TEX14: variants seen among roughly 807,000 people sequenced by gnomAD.
The protein encoded by TEX14 is inactive serine/threonine-protein kinase TEX14.
A neutral mutation model predicts 178.6 loss-of-function variants in TEX14; 168 were observed. The ratio of observed to expected loss-of-function variants is 0.94; its 90% CI spans 0.83 to 1.07. The LOEUF is 1.07. Ranked by LOEUF, TEX14 falls within the 50% of genes least tolerant of loss-of-function variation. The probability of loss-of-function intolerance (pLI) is 0.00; values close to 1 mark genes in which losing one functional copy is unlikely to be tolerated. For synonymous variants in TEX14, 626 were observed against 634.1 expected, an observed-to-expected ratio of 0.99 and a Z score of 0.19; for missense variants, 1,730 against 1,753.6, an observed-to-expected ratio of 0.99 and a Z score of 0.24.
rs374639889 is a variant in TEX14 at position 58,565,745 on chromosome 17, A to G, written c.3964+2T>C. 9 of 1,604,222 alleles carry G rather than the reference A, an allele frequency of 5.6e-6. No homozygotes were observed. The African/African-American group carries it at 1.1e-4, about 19-fold the overall frequency. On this transcript the variant is annotated splice_donor_variant, in intron 27 of 31. Coordinates refer to ENST00000349033, the MANE Select transcript of TEX14 (RefSeq NM_031272.5). LOFTEE classifies it high-confidence loss of function. The stretch of plus-strand genomic sequence containing the variant: ...TGAAAACAATCTAGGTAGTTCACTT[A>G]CCATTTGCAGTGCCTCCTCCATCAC...
At chr17:58,632,234 C>A (rs1190587845) in intron 2 of TEX14, among the ~76,000 whole-genome samples, 2 of 152,278 alleles carry the variant, frequency 1.3e-5, no homozygotes, top group East Asian at 3.9e-4. Context: ...AGCGATAATT[C>A]AAAGCCAAAG....
At chr17:58,562,811 C>A (rs1204084341) in intron 28 of TEX14, among the ~76,000 whole-genome samples, 2 of 151,690 alleles carry the variant, frequency 1.3e-5, no homozygotes, top group African/African-American at 4.8e-5. Flanking sequence ...GCGCCTGGCC[C>A]CTGTAATGTC....
rs143741997 is a variant in TEX14, at chr17:58,593,421, G to A, written c.2576+134C>T. The A allele has an allele frequency of 6.1e-4, 420 of 690,172 alleles. 3 individuals are homozygous for A. In the East Asian group the frequency reaches 0.01, roughly 17 times the overall value. 42.8% of individuals were successfully genotyped at this position (690,172 alleles called of 1,614,324 possible). On this transcript the variant is annotated intron_variant, in intron 15 of 31. Transcript: ENST00000349033. ...TCCTACTCACTCAGTGGGAGAACCT[G>A]CCAATCTGCATTACTCTTCTTCATC...
chr17:58,573,105 A>G, intron 23 of TEX14, 76 bp downstream of exon 23: 1 of 1,573,286 alleles, frequency 6.4e-7, no homozygotes. Flanking sequence ...CTCTGATACC[A>G]CGGCTTGGCT....
intron 1 of TEX14, chr17:58,666,547 T>G (rs995592824): frequency 1.4e-5 from 2 of 145,382 alleles, no homozygotes; most frequent in African/African-American, 5.1e-5. Context: ...CAGCAGCAAG[T>G]GCGAACGCAA....
At chr17:58,661,574 A>C (rs895429400) in intron 1 of TEX14, 3 of 737,500 alleles carry the variant, frequency 4.1e-6, no homozygotes, top group Non-Finnish European at 7.5e-6. Context: ...CGGCGGCGGC[A>C]GGAACTCGTC....
intron 1 of TEX14, among the ~76,000 whole-genome samples, chr17:58,675,100 T>C (rs1042594472): frequency 6.6e-6 from 1 of 150,934 alleles, no homozygotes; most frequent in Non-Finnish European, 1.5e-5. Flanking sequence ...GAGCTGACAT[T>C]GTGCCATTGC....
At chr17:58,677,557 T>C (rs1473082424) in intron 1 of TEX14, 1 of 152,170 alleles carries the variant, frequency 6.6e-6, no homozygotes, top group Non-Finnish European at 1.5e-5. Flanking sequence ...CTACTTCCCA[T>C]TTGACAAAGA....
intron 1 of TEX14, chr17:58,661,811 G>GTC: frequency 2.0e-6 from 1 of 487,946 alleles, no homozygotes; most frequent in Non-Finnish European, 3.6e-6. Flanking sequence ...GTCAAACTTT[G>GTC]TCTCTCTGTT....
rs370413961 is a variant in TEX14, at chr17:58,564,920, C to T, written c.4013G>A (p.Ser1338Asn). Residue 1338 changes from serine (S) to asparagine (N), a missense_variant, in exon 28 of 32, where the codon AGT (serine) becomes AAT (asparagine). Around this residue, in one of 2 missense-constraint regions of TEX14, gnomAD observed 941 missense variants for 1,072.4 expected, o/e 0.88. Coordinates refer to ENST00000349033, the MANE Select transcript of TEX14 (RefSeq NM_031272.5). ...EQETDSKKED[S>N]SMLLSKETED... is the part of the protein sequence containing the mutation. ...AGTTTCTTTGGACAAAAGCATACTA[C>T]TATCTTCTTTTTTACTGTCAGTTTC... The T allele has an allele frequency of 1.2e-6, 2 of 1,608,352 alleles. No individual in the cohort carries two copies. Among genetic ancestry groups the T allele is most frequent in the Non-Finnish European group, 1.7e-6 (2 of 1,177,588 alleles).
chr17:58,616,753 T>TA (rs1029077073), intron 6 of TEX14, among the ~76,000 whole-genome samples: 1 of 152,236 alleles, frequency 6.6e-6, no homozygotes, highest in Non-Finnish European at 1.5e-5. Context: ...TTAATCTTTC[T>TA]AAAAACCTTT....
chr17:58,676,924 C>G (rs1466577759), intron 1 of TEX14, among the ~76,000 whole-genome samples: 1 of 152,064 alleles, frequency 6.6e-6, no homozygotes, highest in African/African-American at 2.4e-5. Flanking sequence ...TGAGGCCAGT[C>G]TGGCCAGCAT....
chr17:58,581,373 C>T (rs1014338798), intron 19 of TEX14, among the ~76,000 whole-genome samples: 1 of 150,788 alleles, frequency 6.6e-6, no homozygotes, highest in Admixed American at 6.6e-5. Context: ...AATGCAGTAA[C>T]CACAATTTTG....
At chr17:58,603,125 C>T (rs1055765723) in intron 11 of TEX14, among the ~76,000 whole-genome samples, 2 of 151,942 alleles carry the variant, frequency 1.3e-5, no homozygotes, top group Non-Finnish European at 2.9e-5. Flanking sequence ...ACTCATTTAC[C>T]AGAGAGATCA....
intron 28 of TEX14, among the ~76,000 whole-genome samples, chr17:58,563,624 TATA>T (rs1567988603): frequency 3.7e-3 from 12 of 3,206 alleles, no homozygotes; most frequent in African/African-American, 0.019. Flanking sequence ...CTCTAATTTA[TATA>T]TATATATATA....
Position 58,630,507 on chromosome 17 carries a change from C to G in TEX14, c.184G>C (p.Val62Leu). ...VNSLGQTALF[V>L]AALLGLRKFV... ...TTCCTAAGGCCCAATAACGCCGCAA[C>G]AAAAAGTGCTGTTTGGCCCAAGGAG... The change falls in exon 3 of 32, where the codon GTT becomes CTT. Residue 62 changes from valine (V) to leucine (L), a missense_variant. Physicochemically the swap from Val to Leu is conservative, Grantham distance 32. Coordinates refer to ENST00000349033, the MANE Select transcript of TEX14 (RefSeq NM_031272.5). 6.2e-7 allele frequency: 1 copy of G among 1,614,050 alleles called. No homozygotes were observed. The highest frequency in any genetic ancestry group is 8.5e-7 in the Non-Finnish European group (1 of 1,179,980).
chr17:58,638,268 G>T (rs1330003499), intron 2 of TEX14, among the ~76,000 whole-genome samples: 1 of 151,758 alleles, frequency 6.6e-6, no homozygotes, highest in East Asian at 1.9e-4. Context: ...CAGCACTTTG[G>T]GAGGCCAACC....
At chr17:58,597,578 G>A (rs894896850) in intron 14 of TEX14, among the ~76,000 whole-genome samples, 10 of 151,938 alleles carry the variant, frequency 6.6e-5, no homozygotes, top group African/African-American at 2.2e-4. Context: ...CACCCCACCC[G>A]CATCTTGACA....
chr17:58,624,080 G>A (rs972708350), intron 3 of TEX14, among the ~76,000 whole-genome samples: 9 of 152,086 alleles, frequency 5.9e-5, no homozygotes, highest in African/African-American at 2.2e-4. Context: ...TCAGGAGATC[G>A]AGGCCATCCT....
Sources: allele counts gnomAD v4.1 joint callset (sites outside exome capture counted in the v4.1 genomes callset), GRCh38; gene constraint gnomAD v4.1.1; regional missense constraint gnomAD v4.1.1; transcripts MANE v1.5; gene names NCBI Gene and HGNC (gene_info 2026-07-23, HGNC 2026-07-21).